Variants in TNRC6C observed in about 807,000 individuals in gnomAD.
TNRC6C encodes the protein trinucleotide repeat-containing gene 6C protein.
Under a neutral mutation model 153.7 loss-of-function variants are expected in TNRC6C, and 20 were observed. That is an observed-to-expected ratio of 0.13 (90% CI 0.09 to 0.19). TNRC6C has a LOEUF of 0.19. TNRC6C is among the 10% of genes least tolerant of loss of function. The pLI is 1.00. For synonymous variants in TNRC6C, 811 were observed against 841.4 expected, an observed-to-expected ratio of 0.96 and a Z score of 0.63; for missense variants, 1,987 against 2,172.0, an observed-to-expected ratio of 0.91 and a Z score of 1.69.
At chr17:78,083,199 G>T (rs921080150) in intron 11 of TNRC6C, 33 bp downstream of exon 13, 3 of 1,612,058 alleles carry the variant, frequency 1.9e-6, no homozygotes, top group Non-Finnish European at 1.7e-6. Context: ...GTTAGAGCAC[G>T]CAGGCCGAGT....
intron 1 of TNRC6C, among the ~76,000 whole-genome samples, chr17:77,978,137 T>C: frequency 6.6e-6 from 1 of 152,078 alleles, no homozygotes; most frequent in Non-Finnish European, 1.5e-5. Flanking sequence ...GACCTTGTGA[T>C]CCACCCGCCT....
At chr17:78,087,750 G>T (rs994810626) in intron 13 of TNRC6C, among the ~76,000 whole-genome samples, 1 of 152,016 alleles carries the variant, frequency 6.6e-6, no homozygotes, top group Non-Finnish European at 1.5e-5. Context: ...TTGTATAATC[G>T]ACCAAATCAA....
intron 16 of TNRC6C, 33 bp downstream of exon 19, chr17:78,097,894 A>T (rs1199453172): frequency 6.8e-7 from 1 of 1,464,164 alleles, no homozygotes; most frequent in Non-Finnish European, 9.1e-7. Flanking sequence ...TGCAGGTAGC[A>T]TTTTCTTTCT....
intron 1 of TNRC6C, among the ~76,000 whole-genome samples, chr17:77,984,387 C>T (rs1001026442): frequency 6.6e-6 from 1 of 151,444 alleles, no homozygotes; most frequent in Non-Finnish European, 1.5e-5. Flanking sequence ...AAAACAGCCA[C>T]GTGTGGTGGC....
At chr17:78,077,586 G>A in intron 9 of TNRC6C, 1 of 536,414 alleles carries the variant, frequency 1.9e-6, no homozygotes, top group Non-Finnish European at 3.3e-6. Context: ...CACCCTTGGT[G>A]CTAACTTGGG....
Position 78,049,550 on chromosome 17 carries a change from A to C in TNRC6C, c.488A>C (p.Gln163Pro). 1 of 1,614,028 alleles carries C rather than the reference A, an allele frequency of 6.2e-7. No homozygotes were observed. Among genetic ancestry groups the C allele is most frequent in the Non-Finnish European group, 8.5e-7 (1 of 1,179,894 alleles). Residue 163 changes from glutamine to proline, a missense_variant, in exon 3 of 20, where the codon CAA (glutamine) becomes CCA (proline). Coordinates refer to ENST00000301624, the Ensembl canonical transcript of TNRC6C. This position sits in a 1 kb window ranked among gnomAD's most constrained non-coding sequence, Gnocchi z 4.1. ...CTGCCACAAGAGAGCACAGAACCACAAACGTCCACTTCTCAGAATGTGTCT... is the reference window on the plus strand; with the variant it reads ...CTGCCACAAGAGAGCACAGAACCACCAACGTCCACTTCTCAGAATGTGTCT...
At chr17:78,045,859 A>G (rs1263179471) in intron 2 of TNRC6C, among the ~76,000 whole-genome samples, 1 of 151,800 alleles carries the variant, frequency 6.6e-6, no homozygotes, top group Admixed American at 6.6e-5. Context: ...AAAATAATAT[A>G]ACTGTGTTCA....
At chr17:78,106,569 AAG>A (rs1244511292) in exon 20 of TNRC6C, 24 of 151,668 alleles carry the variant, frequency 1.6e-4, no homozygotes, top group African/African-American at 5.6e-4. Flanking sequence ...AAAAAAGAAA[AAG>A]AGGAAAAAAA....
At chr17:78,103,336 A>G (rs1375082070) in intron 18 of TNRC6C, 78 bp from the exon 22 acceptor site, 1 of 1,547,390 alleles carries the variant, frequency 6.5e-7, no homozygotes. Context: ...ATCCAATTTC[A>G]TACGTTTTTT....
chr17:78,006,655 T>C (rs2071520395), intron 1 of TNRC6C, among the ~76,000 whole-genome samples: 1 of 150,432 alleles, frequency 6.6e-6, no homozygotes, highest in African/African-American at 2.5e-5. Context: ...TTTTTCTGTC[T>C]GGTTTAGTAC....
chr17:77,999,597 G>A (rs79291779), upstream of TNRC6C, among the ~76,000 whole-genome samples: 652 of 152,250 alleles, frequency 4.3e-3, 17 homozygotes, highest in East Asian at 0.08. Flanking sequence ...GCTATGCTGC[G>A]TAACAAATAC....
intron 1 of TNRC6C, among the ~76,000 whole-genome samples, chr17:78,008,171 G>C (rs2071555969): frequency 6.6e-6 from 1 of 152,168 alleles, no homozygotes; most frequent in African/African-American, 2.4e-5. Flanking sequence ...AAAGACTAAT[G>C]CCGAACTGAA....
At chr17:78,103,278 C>T in intron 18 of TNRC6C, 136 bp from the exon 22 acceptor site, 5 of 1,029,462 alleles carry the variant, frequency 4.9e-6, no homozygotes, top group South Asian at 3.6e-5. Flanking sequence ...GTTGTAAAAC[C>T]ACATATTATT....
intron 1 of TNRC6C, among the ~76,000 whole-genome samples, chr17:77,965,746 C>A (rs114876639): frequency 6.6e-6 from 1 of 152,152 alleles, no homozygotes; most frequent in Non-Finnish European, 1.5e-5. Flanking sequence ...AAAAAGTTGA[C>A]AAAAACCTAA....
intron 2 of TNRC6C, 42 bp from the exon 5 acceptor site, chr17:78,048,803 G>A: frequency 1.6e-6 from 2 of 1,232,626 alleles, no homozygotes; most frequent in Non-Finnish European, 1.0e-6. Context: ...ATTGACAAAT[G>A]AGTAGAAAAT....
intron 1 of TNRC6C, among the ~76,000 whole-genome samples, chr17:78,009,492 C>T (rs1207695035): frequency 6.6e-6 from 1 of 152,102 alleles, no homozygotes; most frequent in Non-Finnish European, 1.5e-5. Context: ...GTTAATCTTA[C>T]CATGTATGAA....
intron 1 of TNRC6C, among the ~76,000 whole-genome samples, chr17:77,994,593 C>T (rs1286499178): frequency 4.6e-5 from 7 of 152,120 alleles, no homozygotes; most frequent in African/African-American, 1.7e-4. Flanking sequence ...TGATAACTGC[C>T]CCAGGCTCCG....
intron 1 of TNRC6C, among the ~76,000 whole-genome samples, chr17:77,973,133 C>T (rs2070953118): frequency 6.6e-6 from 1 of 152,140 alleles, no homozygotes; most frequent in Non-Finnish European, 1.5e-5. Context: ...TTTTGAACTC[C>T]TGACTTCAGG....
intron 1 of TNRC6C, among the ~76,000 whole-genome samples, chr17:77,960,452 G>A (rs1474567499): frequency 1.3e-5 from 2 of 152,158 alleles, no homozygotes; most frequent in East Asian, 3.8e-4. Flanking sequence ...ATTTGAGCCT[G>A]CATAAGGCCT....
Sources: allele counts gnomAD v4.1 joint callset (sites outside exome capture counted in the v4.1 genomes callset), GRCh38; gene constraint gnomAD v4.1.1; non-coding constraint Gnocchi (gnomAD v3.1); transcripts MANE v1.5; gene names NCBI Gene and HGNC (gene_info 2026-07-23, HGNC 2026-07-21).